Variants in CALN1 observed in about 807,000 individuals in gnomAD.
CALN1 encodes the protein calneuron 1.
In CALN1, 17 loss-of-function variants were observed where a neutral mutation model predicts 30.6. The ratio of observed to expected loss-of-function variants is 0.56; its 90% CI spans 0.38 to 0.83. CALN1 has a LOEUF of 0.83. Among genes scored for constraint, CALN1 ranks in the 40% least tolerant of loss-of-function variants. The probability of loss-of-function intolerance (pLI) is 0.00; values close to 1 mark genes in which losing one functional copy is unlikely to be tolerated. For missense variants in CALN1, 291 were observed against 354.9 expected (o/e 0.82, Z 1.45); for synonymous variants, 156 against 131.4 (o/e 1.19, Z -1.28).
At chr7:72,071,480 T>C (rs1682333897) in intron 4 of CALN1, among the ~76,000 whole-genome samples, 2 of 150,986 alleles carry the variant, frequency 1.3e-5, no homozygotes, top group African/African-American at 4.9e-5. Flanking sequence ...TTAAAAGCAA[T>C]CACACATACA....
chr7:71,917,763 C>T (rs911601986), intron 5 of CALN1, among the ~76,000 whole-genome samples: 2 of 152,102 alleles, frequency 1.3e-5, no homozygotes, highest in African/African-American at 4.8e-5. Context: ...CTGGTCCCAC[C>T]CTTGACGTGT....
At chr7:72,016,962 G>A (rs1198398497) in intron 5 of CALN1, among the ~76,000 whole-genome samples, 1 of 137,698 alleles carries the variant, frequency 7.3e-6, no homozygotes, top group Non-Finnish European at 1.5e-5. Context: ...AGACCAGCCT[G>A]GCCAAGGTGG....
chr7:72,404,206 A>C (rs185975832), intron 1 of CALN1, among the ~76,000 whole-genome samples: 2 of 152,108 alleles, frequency 1.3e-5, no homozygotes, highest in Non-Finnish European at 2.9e-5. Context: ...GTCTCTGCCT[A>C]CTTCTACTGT....
In CALN1 at chr7:72,205,553, T is replaced by TATATACATATATAC. The variant is rs1300600174; in HGVS notation, c.244+73132_244+73133insGTATATATGTATAT. Among the ~76,000 whole-genome samples the TATATACATATATAC allele has an allele frequency of 8.9e-5, 5 of 56,372 alleles. No homozygotes were observed. The South Asian group carries it at 3.6e-3, about 40-fold the overall frequency. 37.0% of individuals were successfully genotyped at this position (56,372 alleles called of 152,430 possible). A position where few individuals can be genotyped will look rare whatever the true frequency, so the allele number is the denominator to read the frequency against. Reference sequence around the variant, plus strand: ...TTTTCTCCTGATTGCAAAAAAAAAATATATATATATATATGTATATATATA... The same window carrying TATATACATATATAC: ...TTTTCTCCTGATTGCAAAAAAAAAATATATACATATATACATATATATATATATGTATATATATA... On this transcript the variant is annotated intron_variant, in intron 3 of 6. Coordinates refer to ENST00000395275, the MANE Select transcript of CALN1 (RefSeq NM_031468.4).
At chr7:72,063,642 T>C (rs978755513) in intron 4 of CALN1, among the ~76,000 whole-genome samples, 1 of 152,202 alleles carries the variant, frequency 6.6e-6, no homozygotes, top group African/African-American at 2.4e-5. Flanking sequence ...ACTTGGATAG[T>C]ATAACTGAAT....
chr7:72,500,316 C>T, the CALN1 span, among the ~76,000 whole-genome samples: 8 of 96,010 alleles, frequency 8.3e-5, no homozygotes, highest in South Asian at 3.7e-4. Context: ...AGTCTCACTC[C>T]GTCGCCCAGG....
intron 1 of CALN1, among the ~76,000 whole-genome samples, chr7:72,408,384 G>T (rs974221785): frequency 1.1e-4 from 17 of 152,132 alleles, no homozygotes; most frequent in African/African-American, 3.9e-4. Flanking sequence ...GGTGGAGGTT[G>T]CAGTGAGCTG....
intron 2 of CALN1, among the ~76,000 whole-genome samples, chr7:72,298,581 C>T (rs557361218): frequency 1.8e-4 from 27 of 152,216 alleles, no homozygotes; most frequent in Admixed American, 1.0e-3. Context: ...TCTTGGTAGA[C>T]GTTCTGTAAA....
chr7:72,211,037 G>C (rs575161767), intron 3 of CALN1, among the ~76,000 whole-genome samples: 3 of 152,184 alleles, frequency 2.0e-5, no homozygotes, highest in African/African-American at 7.2e-5. Flanking sequence ...CTGGATGACA[G>C]AGCAAGACCC....
intron 3 of CALN1, among the ~76,000 whole-genome samples, chr7:72,237,982 G>A (rs1794583687): frequency 6.6e-6 from 1 of 152,176 alleles, no homozygotes; most frequent in South Asian, 2.1e-4. Flanking sequence ...TATAAATCTA[G>A]CATCTTGAAG....
At chr7:72,065,122 T>C (rs1803930080) in intron 4 of CALN1, among the ~76,000 whole-genome samples, 2 of 148,428 alleles carry the variant, frequency 1.3e-5, no homozygotes, top group South Asian at 2.1e-4. Context: ...TGTTAATATA[T>C]GTAAAATATA....
At chr7:72,451,212 G>GAAGAAGAAGAAGAAGAAGA (rs1562973699), upstream of CALN1, among the ~76,000 whole-genome samples, 56 of 102,114 alleles carry the variant, frequency 5.5e-4, 2 homozygotes, top group African/African-American at 2.3e-3. Flanking sequence ...GAAGAAGAAG[G>GAAGAAGAAGAAGAAGAAGA]AGGAGGAGGA....
intron 6 of CALN1, among the ~76,000 whole-genome samples, chr7:71,790,805 C>A (rs911404977): frequency 6.6e-6 from 1 of 152,122 alleles, no homozygotes; most frequent in African/African-American, 2.4e-5. Flanking sequence ...TGCTAGACAT[C>A]CACTCGGGAG....
At chr7:71,994,995 G>C (rs1265172503) in intron 5 of CALN1, among the ~76,000 whole-genome samples, 1 of 152,194 alleles carries the variant, frequency 6.6e-6, no homozygotes, top group East Asian at 1.9e-4. Flanking sequence ...TGGGACTACA[G>C]GCGCCCGCCA....
At chr7:72,178,394 TA>T (rs955073752) in intron 3 of CALN1, among the ~76,000 whole-genome samples, 2 of 152,140 alleles carry the variant, frequency 1.3e-5, no homozygotes, top group Non-Finnish European at 2.9e-5. Flanking sequence ...AACTGCTAAC[TA>T]AAAAAGGGTT....
chr7:72,086,279 G>T (rs1805478081), intron 4 of CALN1, among the ~76,000 whole-genome samples: 1 of 152,084 alleles, frequency 6.6e-6, no homozygotes, highest in Non-Finnish European at 1.5e-5. Context: ...AGAAATATGT[G>T]TTCAAATACT....
intron 3 of CALN1, among the ~76,000 whole-genome samples, chr7:72,218,385 T>C (rs554562534): frequency 7.9e-5 from 12 of 151,832 alleles, no homozygotes; most frequent in South Asian, 2.1e-4. Flanking sequence ...CAGGAGGAGG[T>C]TGCAGTGAAC....
chr7:72,326,615 G>A (rs551038998), intron 2 of CALN1, among the ~76,000 whole-genome samples: 1 of 152,324 alleles, frequency 6.6e-6, no homozygotes, highest in East Asian at 1.9e-4. Context: ...TTTCTTACCA[G>A]GCTATAAAAA....
At chr7:72,226,146 G>A (rs1793660371) in intron 3 of CALN1, among the ~76,000 whole-genome samples, 1 of 150,950 alleles carries the variant, frequency 6.6e-6, no homozygotes, top group South Asian at 2.1e-4. Flanking sequence ...TAAGAAGGCT[G>A]AGGCAGGAGA....
Sources: allele counts gnomAD v4.1 joint callset (sites outside exome capture counted in the v4.1 genomes callset), GRCh38; gene constraint gnomAD v4.1.1; transcripts MANE v1.5; gene names NCBI Gene and HGNC (gene_info 2026-07-23, HGNC 2026-07-21).